NT5DC4: variants seen among roughly 807,000 people sequenced by gnomAD.
The protein encoded by NT5DC4 is 5'-nucleotidase domain-containing protein 4.
In NT5DC4, 44 loss-of-function variants were observed where a neutral mutation model predicts 26.6. The ratio of observed to expected loss-of-function variants is 1.65; its 90% CI spans 1.30 to 2.13. The LOEUF (loss-of-function observed/expected upper bound fraction) is 2.13, where lower values mean the gene tolerates loss of function less well. Among genes scored for constraint, NT5DC4 ranks in the 30% most tolerant of loss-of-function variants. The pLI is 0.00. For synonymous variants in NT5DC4, 157 were observed against 86.7 expected (o/e 1.81, Z -4.51); for missense variants, 399 against 228.1 (o/e 1.75, Z -4.83).
chr2:112,735,816 G>C (rs577493394), intron 16 of NT5DC4, among the ~76,000 whole-genome samples: 1 of 152,162 alleles, frequency 6.6e-6, no homozygotes, highest in Non-Finnish European at 1.5e-5. Context: ...ATAGTCTGAC[G>C]AGGCTGATCG....
At chr2:112,719,135 C>T (rs184850116), upstream of NT5DC4, among the ~76,000 whole-genome samples, 427 of 152,306 alleles carry the variant, frequency 2.8e-3, no homozygotes, top group African/African-American at 9.6e-3. Flanking sequence ...CTACACACCT[C>T]GGCTGCAGGG....
intron 16 of NT5DC4, chr2:112,736,458 C>T (rs1048771069): frequency 1.3e-5 from 2 of 152,024 alleles, no homozygotes; most frequent in African/African-American, 4.8e-5. Flanking sequence ...TTAACATTAT[C>T]ATCTCAGTTT....
At chr2:112,721,005 G>C (rs1235194213), upstream of NT5DC4, among the ~76,000 whole-genome samples, 1 of 152,190 alleles carries the variant, frequency 6.6e-6, no homozygotes, top group Non-Finnish European at 1.5e-5. Flanking sequence ...AGGGAGAGGA[G>C]AGTGGCTGGG....
At chr2:112,739,835 A>G (rs1052959469), downstream of NT5DC4, among the ~76,000 whole-genome samples, 3 of 152,024 alleles carry the variant, frequency 2.0e-5, no homozygotes, top group African/African-American at 7.2e-5. Flanking sequence ...TTTATTTTTC[A>G]TAGAGTTGGG....
chr2:112,736,988 G>A (rs1024472994), intron 16 of NT5DC4: 14 of 151,794 alleles, frequency 9.2e-5, no homozygotes, highest in East Asian at 5.8e-4. Flanking sequence ...GTGCAGTGAC[G>A]CAATTTTGGC....
chr2:112,722,854 G>C (rs987767221), intron 6 of NT5DC4, 83 bp downstream of exon 6: 2 of 673,894 alleles, frequency 3.0e-6, no homozygotes, highest in Admixed American at 2.1e-5. Context: ...GCCCCCCAAG[G>C]GCTCCCCAAG....
intron 13 of NT5DC4, among the ~76,000 whole-genome samples, chr2:112,725,827 T>C (rs1389589650): frequency 6.6e-6 from 1 of 152,036 alleles, no homozygotes; most frequent in Non-Finnish European, 1.5e-5. Flanking sequence ...GGCGGTGCCT[T>C]CCTCCTGCAC....
In NT5DC4 at chr2:112,735,702, G is replaced by T. The variant is rs553502052; in HGVS notation, c.1345-3211G>T. 2.6e-5 allele frequency among the ~76,000 whole-genome samples: 4 copies of T among 152,192 alleles called. No individual in the cohort carries two copies. The South Asian group carries it at 6.2e-4, about 24-fold the overall frequency. The stretch of plus-strand genomic sequence containing the variant: ...GGAGCAGCTATTTACTAAACAAGAG[G>T]GTTACTGAGTATCTACAAAGAGTCC... On this transcript the variant is annotated intron_variant, in intron 16 of 16. Transcript: ENST00000688554.
intron 16 of NT5DC4, among the ~76,000 whole-genome samples, chr2:112,732,210 AT>A (rs60070270): frequency 0.49 from 74,084 of 150,152 alleles, 18,493 homozygotes; most frequent in African/African-American, 0.61. Flanking sequence ...CGAGCCTGGC[AT>A]TTTTTTTTTT....
chr2:112,742,830 G>C, downstream of NT5DC4: 2 of 1,214,886 alleles, frequency 1.6e-6, no homozygotes, highest in Middle Eastern at 2.1e-4. Context: ...AATTTGCTAA[G>C]GAACTTTAAC....
chr2:112,719,957 TC>T (rs1317439776), upstream of NT5DC4, among the ~76,000 whole-genome samples: 275 of 128,080 alleles, frequency 2.1e-3, 4 homozygotes, highest in African/African-American at 6.4e-3. Flanking sequence ...TTTCTTTCTT[TC>T]TTTCTTTCTT....
rs1479188638 is a variant in NT5DC4 at position 112,729,703 on chromosome 2, G to A, written c.1343G>A (p.Arg448Lys). ...TCCTGCCTCCTCTCCTGCAACCAGA[G>A]GGTGAGTGGCTGTGGCCGACGAACT... ...PASCLLSCNQRFIKRSHY is the reference protein window; with the variant it reads ...PASCLLSCNQKFIKRSHY Residue 448 changes from arginine (R) to lysine (K), a missense_variant and splice_region_variant, in exon 16 of 17, where the codon AGG becomes AAG. Physicochemically the swap from Arg to Lys is conservative, Grantham distance 26 (BLOSUM62 2). Coordinates refer to ENST00000688554, the MANE Select transcript of NT5DC4 (RefSeq NM_001393655.1). The A allele has an allele frequency of 1.4e-6, 1 of 717,830 alleles. No homozygotes were observed. 44.5% of individuals were successfully genotyped at this position (717,830 alleles called of 1,614,324 possible).
At chr2:112,723,989 C>T (rs1677336844) in intron 9 of NT5DC4, 105 bp from the exon 10 acceptor site, 1 of 707,598 alleles carries the variant, frequency 1.4e-6, no homozygotes, top group Non-Finnish European at 2.6e-6. Context: ...AACTTTCTCA[C>T]CATCTTGCTC....
chr2:112,723,185 G>A lies in NT5DC4; in HGVS notation c.621+11G>A, dbSNP rs766847143. 6 of 717,268 alleles carry A rather than the reference G, an allele frequency of 8.4e-6. No individual in the cohort carries two copies. The South Asian group carries it at 8.9e-5, about 11-fold the overall frequency. 44.4% of individuals were successfully genotyped at this position (717,268 alleles called of 1,614,324 possible). On this transcript the variant is annotated intron_variant, in intron 7 of 16. Coordinates refer to ENST00000688554, the MANE Select transcript of NT5DC4 (RefSeq NM_001393655.1). ...AACATCCACCAGTCGGTGAGTGAGT[G>A]GTCCAGAACCCCCGGACCCCTGACC...
chr2:112,728,615 C>T (rs182215247), intron 15 of NT5DC4, among the ~76,000 whole-genome samples: 54 of 152,342 alleles, frequency 3.5e-4, no homozygotes, highest in South Asian at 1.0e-3. Context: ...GCCTGCCTTC[C>T]CTGCTGCCCT....
At chr2:112,719,840 T>TTCCTTCCC (rs763010206), upstream of NT5DC4, among the ~76,000 whole-genome samples, 1 of 78,332 alleles carries the variant, frequency 1.3e-5, no homozygotes, top group Non-Finnish European at 2.8e-5. Context: ...CCTTCCTTCC[T>TTCCTTCCC]TCCCTCCCTC....
At chr2:112,732,162 C>T (rs1375168586) in intron 16 of NT5DC4, among the ~76,000 whole-genome samples, 6 of 152,052 alleles carry the variant, frequency 3.9e-5, no homozygotes, top group Non-Finnish European at 8.8e-5. Flanking sequence ...CCGCCTGCCT[C>T]GGCCTCTTAA....
At chr2:112,724,208 G>A in intron 10 of NT5DC4, 82 bp downstream of exon 10, 1 of 712,858 alleles carries the variant, frequency 1.4e-6, no homozygotes, top group Non-Finnish European at 2.6e-6. Context: ...GATGCTGAGG[G>A]CCTCTCCCAC....
At chr2:112,729,250 G>C (rs1382480516) in intron 15 of NT5DC4, among the ~76,000 whole-genome samples, 2 of 152,156 alleles carry the variant, frequency 1.3e-5, no homozygotes, top group African/African-American at 4.8e-5. Flanking sequence ...AGCCTCCCAA[G>C]TAGCTGGGAT....
Sources: allele counts gnomAD v4.1 joint callset (sites outside exome capture counted in the v4.1 genomes callset), GRCh38; gene constraint gnomAD v4.1.1; transcripts MANE v1.5; gene names NCBI Gene and HGNC (gene_info 2026-07-23, HGNC 2026-07-21).